Variants in CNIH3 observed in about 807,000 individuals in gnomAD.
CNIH3 encodes protein cornichon homolog 3.
Under a neutral mutation model 24.1 loss-of-function variants are expected in CNIH3, and 14 were observed. The ratio of observed to expected loss-of-function variants is 0.58; its 90% CI spans 0.38 to 0.91. The LOEUF (loss-of-function observed/expected upper bound fraction) is 0.91. CNIH3 is among the 40% of genes least tolerant of loss of function. The probability of loss-of-function intolerance (pLI) is 0.00; values close to 1 mark genes in which losing one functional copy is unlikely to be tolerated. For missense variants in CNIH3, 178 were observed against 196.8 expected (o/e 0.90, Z 0.57); for synonymous variants, 68 against 73.8 (o/e 0.92, Z 0.40).
At chr1:224,446,001 A>G (rs977967113) in intron 1 of CNIH3, among the ~76,000 whole-genome samples, 28 of 152,314 alleles carry the variant, frequency 1.8e-4, no homozygotes, top group African/African-American at 6.0e-4. Context: ...CAGGGTAAAG[A>G]AAATCCTTTC....
chr1:224,445,392 A>G (rs897362900), intron 1 of CNIH3, among the ~76,000 whole-genome samples: 4 of 151,794 alleles, frequency 2.6e-5, no homozygotes, highest in Non-Finnish European at 4.4e-5. Context: ...CCTGGCCAAC[A>G]TGGTGAAACC....
intron 1 of CNIH3, among the ~76,000 whole-genome samples, chr1:224,520,691 T>G (rs1427751514): frequency 6.6e-6 from 1 of 152,184 alleles, no homozygotes; most frequent in Non-Finnish European, 1.5e-5. Flanking sequence ...CCCGAATTTG[T>G]GTACTGTGAG....
At chr1:224,714,900 T>C (rs965279473) in intron 3 of CNIH3, among the ~76,000 whole-genome samples, 3 of 152,226 alleles carry the variant, frequency 2.0e-5, no homozygotes, top group Admixed American at 6.5e-5. Flanking sequence ...TCATTTCAAA[T>C]GAAAACCTAA....
rs74492768 is a variant in CNIH3 at position 224,656,900 on chromosome 1, A to G, written c.82-24058A>G. 4.0e-3 allele frequency among the ~76,000 whole-genome samples: 611 copies of G among 152,352 alleles called. 5 individuals are homozygous for G. The highest frequency in any genetic ancestry group is 0.02 in the Middle Eastern group (6 of 294). ...GTCTTCCATACATTTCGAAGGGGCTAAGAGCCAGCCCACTTCTGGGAGCTA... is the reference window on the plus strand; with the variant it reads ...GTCTTCCATACATTTCGAAGGGGCTGAGAGCCAGCCCACTTCTGGGAGCTA... On this transcript the variant is annotated intron_variant, in intron 1 of 5. Coordinates refer to ENST00000272133, the MANE Select transcript of CNIH3 (RefSeq NM_152495.2).
At chr1:224,714,367 T>TCAGGTG (rs1688314748) in intron 3 of CNIH3, among the ~76,000 whole-genome samples, 1 of 152,192 alleles carries the variant, frequency 6.6e-6, no homozygotes, top group South Asian at 2.1e-4. Flanking sequence ...GACCAACTTC[T>TCAGGTG]CAGGTGCCAC....
intron 3 of CNIH3, among the ~76,000 whole-genome samples, chr1:224,561,201 C>A (rs1033661148): frequency 5.9e-5 from 9 of 152,138 alleles, no homozygotes; most frequent in African/African-American, 2.2e-4. Flanking sequence ...TTCTACTTAT[C>A]AAAACAGAAG....
chr1:224,636,506 C>A (rs988300137), intron 1 of CNIH3, among the ~76,000 whole-genome samples: 24 of 152,342 alleles, frequency 1.6e-4, no homozygotes, highest in African/African-American at 5.8e-4. Context: ...AGCTAGTGTG[C>A]TTTATAGCAA....
At chr1:224,439,989 C>T (rs1416114440) in intron 1 of CNIH3, among the ~76,000 whole-genome samples, 2 of 152,176 alleles carry the variant, frequency 1.3e-5, no homozygotes, top group Non-Finnish European at 1.5e-5. Flanking sequence ...GGGGTTTCAC[C>T]GTGTTAACCA....
At chr1:224,457,597 C>G (rs1675732618) in intron 1 of CNIH3, among the ~76,000 whole-genome samples, 1 of 150,830 alleles carries the variant, frequency 6.6e-6, no homozygotes, top group Admixed American at 6.6e-5. Context: ...GCCAAAGGGC[C>G]AAGGAATCCT....
intron 3 of CNIH3, among the ~76,000 whole-genome samples, chr1:224,691,584 AG>A (rs1231267397): frequency 1.3e-5 from 2 of 152,258 alleles, no homozygotes; most frequent in Non-Finnish European, 2.9e-5. Context: ...TGCTAGAGCC[AG>A]TGACTGCCAA....
chr1:224,608,728 T>A (rs1682546794), intron 3 of CNIH3, among the ~76,000 whole-genome samples: 1 of 152,180 alleles, frequency 6.6e-6, no homozygotes, highest in Admixed American at 6.5e-5. Flanking sequence ...CATAAGACAA[T>A]ATGAGGGGTG....
intron 3 of CNIH3, among the ~76,000 whole-genome samples, chr1:224,717,164 T>G (rs1184514187): frequency 6.6e-6 from 1 of 152,202 alleles, no homozygotes; most frequent in Non-Finnish European, 1.5e-5. Flanking sequence ...GCTGCTGCAA[T>G]GAAAAGACCA....
At chr1:224,642,561 G>A (rs533874895) in intron 1 of CNIH3, among the ~76,000 whole-genome samples, 116 of 152,222 alleles carry the variant, frequency 7.6e-4, no homozygotes, top group Middle Eastern at 3.4e-3. Flanking sequence ...TTTCAGATTA[G>A]GAAGCGGAGG....
chr1:224,665,674 A>G (rs541287330), intron 1 of CNIH3, among the ~76,000 whole-genome samples: 1 of 152,308 alleles, frequency 6.6e-6, no homozygotes, highest in South Asian at 2.1e-4. Flanking sequence ...GGTAGGACTC[A>G]CTTATGAGAT....
chr1:224,496,471 T>C (rs938892309), intron 1 of CNIH3, among the ~76,000 whole-genome samples: 4 of 53,206 alleles, frequency 7.5e-5, no homozygotes, highest in Non-Finnish European at 1.3e-4. Context: ...AGCAAGAAAC[T>C]GAAGCCTCCT....
At chr1:224,533,689 A>C (rs1161777259) in intron 2 of CNIH3, among the ~76,000 whole-genome samples, 3 of 151,812 alleles carry the variant, frequency 2.0e-5, no homozygotes, top group Non-Finnish European at 4.4e-5. Flanking sequence ...TATCATGTGG[A>C]GCTCTCCCTG....
intron 1 of CNIH3, among the ~76,000 whole-genome samples, chr1:224,444,632 G>A (rs973971357): frequency 2.4e-4 from 36 of 151,498 alleles, no homozygotes; most frequent in African/African-American, 8.0e-4. Context: ...ACAGGCATGA[G>A]CCACCGCGCC....
At chr1:224,633,665 G>A (rs1273270839) in intron 1 of CNIH3, among the ~76,000 whole-genome samples, 3 of 152,134 alleles carry the variant, frequency 2.0e-5, no homozygotes, top group African/African-American at 7.2e-5. Flanking sequence ...TGTACACAGT[G>A]GGAACTAGAA....
intron 2 of CNIH3, among the ~76,000 whole-genome samples, chr1:224,523,912 A>G (rs1387188842): frequency 2.6e-5 from 4 of 152,130 alleles, no homozygotes; most frequent in African/African-American, 9.7e-5. Flanking sequence ...GAGAAGGAGG[A>G]TGGAGCCCTG....
Sources: gnomAD v4.1 joint callset for allele counts (sites outside exome capture counted in the v4.1 genomes callset) on GRCh38, gnomAD v4.1.1 for gene constraint, MANE v1.5 for transcripts, NCBI Gene and HGNC (gene_info 2026-07-23, HGNC 2026-07-21) for gene names.